NELL2: variants seen among roughly 807,000 people sequenced by gnomAD.
NELL2 encodes the protein neural EGFL like 2, also known as protein kinase C-binding protein NELL2.
NELL2 carries 41 observed loss-of-function variants against 109.6 expected under a neutral mutation model. The ratio of observed to expected loss-of-function variants is 0.37; its 90% CI spans 0.29 to 0.49. NELL2 has a LOEUF of 0.49. NELL2 is among the 20% of genes least tolerant of loss of function. The pLI is 0.98. For missense variants in NELL2, 900 were observed against 1,008.3 expected (o/e 0.89, Z 1.45); for synonymous variants, 355 against 344.7 (o/e 1.03, Z -0.33).
chr12:44,803,054 G>A (rs553814943), intron 3 of NELL2, among the ~76,000 whole-genome samples: 1 of 152,040 alleles, frequency 6.6e-6, no homozygotes, highest in Non-Finnish European at 1.5e-5. Context: ...GGTTGACATA[G>A]TGTGCCTCCA....
At position 44,780,039 on chromosome 12, in the gene NELL2, C is replaced by T. The variant is rs748919580; in HGVS notation, c.336-17G>A. On this transcript the variant is annotated splice_polypyrimidine_tract_variant and intron_variant, in intron 3 of 19. Coordinates refer to ENST00000429094, the MANE Select transcript of NELL2 (RefSeq NM_001145108.2). ...TCCAGGTACCTGCAGAGAGAAGAGC[C>T]ACATGGGACACATTAAAAATAAAGT... 3.1e-6 allele frequency: 5 copies of T among 1,608,196 alleles called. No individual in the cohort carries two copies. In the African/African-American group the frequency reaches 6.7e-5, roughly 22 times the overall value.
At chr12:44,738,881 G>T (rs567108864) in intron 9 of NELL2, among the ~76,000 whole-genome samples, 7 of 152,266 alleles carry the variant, frequency 4.6e-5, no homozygotes, top group Non-Finnish European at 8.8e-5. Flanking sequence ...GAATCATTTT[G>T]CAATGTATAC....
At chr12:44,563,538 C>T (rs1489318001) in intron 15 of NELL2, among the ~76,000 whole-genome samples, 1 of 152,134 alleles carries the variant, frequency 6.6e-6, no homozygotes, top group Admixed American at 6.5e-5. Flanking sequence ...GGTGGCACCG[C>T]TTAGCTAAAG....
intron 13 of NELL2, among the ~76,000 whole-genome samples, chr12:44,620,658 A>G (rs890603994): frequency 6.6e-6 from 1 of 152,070 alleles, no homozygotes; most frequent in Non-Finnish European, 1.5e-5. Context: ...GGAATCCAGG[A>G]GTCACCATAG....
At chr12:44,757,177 T>C (rs1190420429) in intron 9 of NELL2, among the ~76,000 whole-genome samples, 1 of 152,166 alleles carries the variant, frequency 6.6e-6, no homozygotes, top group African/African-American at 2.4e-5. Flanking sequence ...GGCAACATAT[T>C]CTACCTCTCA....
At chr12:44,599,865 T>G (rs1041980741) in intron 15 of NELL2, among the ~76,000 whole-genome samples, 1 of 151,764 alleles carries the variant, frequency 6.6e-6, no homozygotes, top group Admixed American at 6.6e-5. Context: ...GAATTACAAT[T>G]GAATTGAAAG....
chr12:44,766,287 A>G (rs1409823035), intron 9 of NELL2, among the ~76,000 whole-genome samples: 2 of 152,202 alleles, frequency 1.3e-5, no homozygotes, highest in Non-Finnish European at 2.9e-5. Flanking sequence ...TTTTCAAGGT[A>G]GCCATTGGAG....
chr12:44,541,890 T>C (rs976942570), intron 15 of NELL2, among the ~76,000 whole-genome samples: 2 of 152,190 alleles, frequency 1.3e-5, no homozygotes, highest in African/African-American at 4.8e-5. Context: ...GCAATGAAAG[T>C]TTAAGTATTT....
At chr12:44,834,662 C>T (rs1255235592) in intron 2 of NELL2, among the ~76,000 whole-genome samples, 1 of 152,072 alleles carries the variant, frequency 6.6e-6, no homozygotes, top group Non-Finnish European at 1.5e-5. Context: ...CTGCCCTACT[C>T]GAAGTGTGAG....
Position 44,777,143 on chromosome 12 carries a change from C to A in NELL2, c.680-19G>T. On this transcript the variant is annotated intron_variant, in intron 6 of 19. Coordinates refer to ENST00000429094, the MANE Select transcript of NELL2 (RefSeq NM_001145108.2). ...GGACAGGCTGGAATTACAAACACTA[C>A]ATTTGGTCAAGATGCATTTATAAGG... 1 of 1,613,602 alleles carries A rather than the reference C, an allele frequency of 6.2e-7. No homozygotes were observed. The highest frequency in any genetic ancestry group is 1.3e-5 in the African/African-American group (1 of 75,010).
intron 15 of NELL2, among the ~76,000 whole-genome samples, chr12:44,594,918 A>G (rs1415706851): frequency 2.0e-5 from 3 of 152,176 alleles, no homozygotes; most frequent in South Asian, 2.1e-4. Flanking sequence ...TGATTTATAC[A>G]CAGAGTCCCC....
chr12:44,876,413 G>A, upstream of NELL2: 1 of 1,272,026 alleles, frequency 7.9e-7, no homozygotes, highest in Non-Finnish European at 9.9e-7. Flanking sequence ...GGCCGCCGAG[G>A]GCGAGGCCGG....
At chr12:44,868,119 C>CAAAA (rs34038469) in intron 2 of NELL2, among the ~76,000 whole-genome samples, 51 of 64,590 alleles carry the variant, frequency 7.9e-4, no homozygotes, top group African/African-American at 1.1e-3. Flanking sequence ...GGCTCCATCT[C>CAAAA]AAAAAAAAAA....
chr12:44,911,241 T>C (rs1039145826), intron 1 of NELL2, among the ~76,000 whole-genome samples: 1 of 152,052 alleles, frequency 6.6e-6, no homozygotes, highest in African/African-American at 2.4e-5. Flanking sequence ...ACTATTTCCC[T>C]GAGTATTTTA....
At chr12:44,575,251 T>C (rs1344709781) in intron 15 of NELL2, among the ~76,000 whole-genome samples, 2 of 152,260 alleles carry the variant, frequency 1.3e-5, no homozygotes, top group Admixed American at 6.5e-5. Context: ...TTAGCTGCTA[T>C]ACTTAATCCC....
chr12:44,511,106 G>A (rs1940983888), intron 19 of NELL2, among the ~76,000 whole-genome samples: 1 of 152,170 alleles, frequency 6.6e-6, no homozygotes, highest in Admixed American at 6.5e-5. Flanking sequence ...TATGTCTTAG[G>A]AAGGGTTTCT....
intron 1 of NELL2, among the ~76,000 whole-genome samples, chr12:44,912,034 A>T (rs1308694707): frequency 1.3e-5 from 2 of 151,886 alleles, no homozygotes; most frequent in East Asian, 3.9e-4. Flanking sequence ...CTGAGGATTG[A>T]GTTGGAGCTC....
intron 3 of NELL2, among the ~76,000 whole-genome samples, chr12:44,785,786 C>A (rs1397913283): frequency 6.6e-6 from 1 of 152,118 alleles, no homozygotes; most frequent in Non-Finnish European, 1.5e-5. Context: ...GGAAAGGATT[C>A]CCTATTTAAT....
intron 15 of NELL2, among the ~76,000 whole-genome samples, chr12:44,559,826 G>A (rs1170639988): frequency 6.6e-6 from 1 of 152,126 alleles, no homozygotes; most frequent in Non-Finnish European, 1.5e-5. Context: ...GGACCAAGTG[G>A]ACTTAATAGA....
Sources: gnomAD v4.1 joint callset for allele counts (sites outside exome capture counted in the v4.1 genomes callset) on GRCh38, gnomAD v4.1.1 for gene constraint, MANE v1.5 for transcripts, NCBI Gene and HGNC (gene_info 2026-07-23, HGNC 2026-07-21) for gene names.